SOS2: variants seen among roughly 807,000 people sequenced by gnomAD.
The protein encoded by SOS2 is SOS Ras/Rho guanine nucleotide exchange factor 2.
In SOS2, 65 loss-of-function variants were observed where a neutral mutation model predicts 148.2. The ratio of observed to expected loss-of-function variants is 0.44; its 90% CI spans 0.36 to 0.54. The LOEUF (loss-of-function observed/expected upper bound fraction) is 0.54. SOS2 is among the 20% of genes least tolerant of loss of function. The pLI, the probability that SOS2 is intolerant of heterozygous loss-of-function variation, is 0.00. For missense variants in SOS2, 1,341 were observed against 1,590.2 expected (o/e 0.84, Z 2.67); for synonymous variants, 539 against 537.1 (o/e 1.00, Z -0.05).
At chr14:50,137,041 T>A (rs992241430) in intron 18 of SOS2, among the ~76,000 whole-genome samples, 1 of 152,210 alleles carries the variant, frequency 6.6e-6, no homozygotes, top group Non-Finnish European at 1.5e-5. Context: ...CCAATTTGCA[T>A]GCAGATTATG....
chr14:50,222,290 G>T (rs1338298374), intron 1 of SOS2, among the ~76,000 whole-genome samples: 1 of 152,094 alleles, frequency 6.6e-6, no homozygotes, highest in Non-Finnish European at 1.5e-5. Context: ...AAATTCTTTT[G>T]GGGATACACA....
intron 1 of SOS2, among the ~76,000 whole-genome samples, chr14:50,213,405 T>C (rs1886946197): frequency 6.6e-6 from 1 of 152,132 alleles, no homozygotes; most frequent in African/African-American, 2.4e-5. Flanking sequence ...GCAGATTAAA[T>C]AGCATTTATA....
chr14:50,205,586 G>A lies in SOS2; in HGVS notation c.88-1177C>T, dbSNP rs1162691430. Among the ~76,000 whole-genome samples the A allele has an allele frequency of 2.6e-5, 4 of 152,156 alleles. No individual in the cohort carries two copies. The East Asian group carries it at 5.8e-4, about 22-fold the overall frequency. ...CATTGCCAAACAATGATTAGTCTAC[G>A]ATTTAGACTTTGCCATTTCCTAAGA... On this transcript the variant is annotated intron_variant, in intron 1 of 22. Coordinates refer to ENST00000216373, the MANE Select transcript of SOS2 (RefSeq NM_006939.4).
chr14:50,160,136 G>T, intron 9 of SOS2, 50 bp from the exon 10 acceptor site: 1 of 1,410,248 alleles, frequency 7.1e-7, no homozygotes, highest in Non-Finnish European at 9.7e-7. Context: ...AACCCAAATG[G>T]TTTCAAGCAT....
rs915023713 is a variant in SOS2, at chr14:50,183,328, T to A, written c.715-722A>T. Among the ~76,000 whole-genome samples the A allele has an allele frequency of 4.6e-5, 7 of 152,130 alleles. No individual in the cohort carries two copies. In the East Asian group the frequency reaches 1.3e-3, roughly 29 times the overall value. On this transcript the variant is annotated intron_variant, in intron 5 of 22. Transcript: ENST00000216373. ...TTAAAAGATGGAATCATACTGTGTATTCTTTTAACTTGGGTTGGAGAGGTC... is the reference window on the plus strand; with the variant it reads ...TTAAAAGATGGAATCATACTGTGTAATCTTTTAACTTGGGTTGGAGAGGTC...
chr14:50,167,867 CAA>C (rs994488707), intron 8 of SOS2, among the ~76,000 whole-genome samples: 2 of 116,054 alleles, frequency 1.7e-5, no homozygotes. Flanking sequence ...GACTCTGTCT[CAA>C]AAAAAAAAAA....
intron 1 of SOS2, among the ~76,000 whole-genome samples, chr14:50,222,325 A>T (rs1164263089): frequency 6.6e-6 from 1 of 152,216 alleles, no homozygotes; most frequent in Non-Finnish European, 1.5e-5. Flanking sequence ...AAAACTCCTA[A>T]TTTAGGAGAA....
chr14:50,192,182 G>A (rs765418763), intron 4 of SOS2, among the ~76,000 whole-genome samples: 7 of 142,992 alleles, frequency 4.9e-5, no homozygotes, highest in Non-Finnish European at 7.5e-5. Flanking sequence ...AAAAAGGAGC[G>A]AGCAAGCTAG....
chr14:50,130,118 C>T, intron 20 of SOS2, 116 bp from the exon 21 acceptor site: 2 of 650,004 alleles, frequency 3.1e-6, no homozygotes, highest in Admixed American at 3.3e-5. Flanking sequence ...TCATCTTTTG[C>T]CATGTTAGTT....
chr14:50,200,383 T>G (rs934343807), intron 3 of SOS2, among the ~76,000 whole-genome samples: 1 of 152,124 alleles, frequency 6.6e-6, no homozygotes, highest in Non-Finnish European at 1.5e-5. Flanking sequence ...CTAGTCCACT[T>G]TTCCAGTATA....
At position 50,130,508 on chromosome 14, in the gene SOS2, G is replaced by C. The variant is rs370277292; in HGVS notation, c.3330C>G (p.Ser1110Arg). Reference protein sequence around the residue: ...LSVFLDVDLNSSCGSNSIFAP... With the variant: ...LSVFLDVDLNRSCGSNSIFAP... ...TTTACATCAAATACTTACCACAGGA[G>C]CTGTTGAGATCCACATCTAAAAATA... The change falls in exon 20 of 23, where the codon AGC becomes AGG. Residue 1110 changes from serine to arginine, a missense_variant. By Grantham distance (110) the Ser-to-Arg change is moderately radical. Around this residue, in one of 4 missense-constraint regions of SOS2, gnomAD observed 354 missense variants for 347.7 expected, o/e 1.02. Coordinates refer to ENST00000216373, the MANE Select transcript of SOS2 (RefSeq NM_006939.4). The C allele has an allele frequency of 3.7e-6, 6 of 1,613,452 alleles. No homozygotes were observed. The highest frequency in any genetic ancestry group is 5.1e-6 in the Non-Finnish European group (6 of 1,179,552).
At chr14:50,181,673 G>C (rs1174651878) in intron 6 of SOS2, among the ~76,000 whole-genome samples, 1 of 152,032 alleles carries the variant, frequency 6.6e-6, no homozygotes, top group Non-Finnish European at 1.5e-5. Flanking sequence ...AGTAAAAACA[G>C]TAAGTTATAA....
rs139953230 is a variant in SOS2 at position 50,159,853 on chromosome 14, C to T, written c.1430G>A (p.Arg477Gln). ...ISCKPNHGQT[R>Q]LPGYSSAEYR... is the part of the protein sequence containing the mutation. ...TTCTGCACTACTGTAACCTGGAAGCCGAGTCTGGCCATGATTAGGTTTACA... is the reference window on the plus strand; with the variant it reads ...TTCTGCACTACTGTAACCTGGAAGCTGAGTCTGGCCATGATTAGGTTTACA... The change falls in exon 10 of 23, where the codon CGG (arginine) becomes CAG (glutamine). Residue 477 changes from arginine to glutamine, a missense_variant. Physicochemically the swap from Arg to Gln is conservative, Grantham distance 43. This residue lies in a region of SOS2 where 574 missense variants were observed against 711.1 expected (regional missense o/e 0.81). Coordinates refer to ENST00000216373, the MANE Select transcript of SOS2 (RefSeq NM_006939.4). 3.7e-6 allele frequency: 6 copies of T among 1,613,942 alleles called. No individual in the cohort carries two copies. Among genetic ancestry groups the T allele is most frequent in the Non-Finnish European group, 2.5e-6 (3 of 1,180,018 alleles).
intron 1 of SOS2, among the ~76,000 whole-genome samples, chr14:50,224,576 A>G (rs973079908): frequency 6.6e-6 from 1 of 152,246 alleles, no homozygotes; most frequent in South Asian, 2.1e-4. Flanking sequence ...AAGAACTATA[A>G]TATACTTTGT....
chr14:50,121,902 C>T (rs970950760), intron 21 of SOS2, among the ~76,000 whole-genome samples: 14 of 152,020 alleles, frequency 9.2e-5, no homozygotes, highest in African/African-American at 3.1e-4. Flanking sequence ...TAAATCTGTC[C>T]CATTTGGTTT....
intron 1 of SOS2, among the ~76,000 whole-genome samples, chr14:50,207,500 G>C (rs1886700892): frequency 6.6e-6 from 1 of 150,640 alleles, no homozygotes; most frequent in Non-Finnish European, 1.5e-5. Context: ...GAATGAGCAA[G>C]ACCTCATCTC....
At chr14:50,177,535 CA>C (rs1419071494) in intron 7 of SOS2, among the ~76,000 whole-genome samples, 1 of 151,860 alleles carries the variant, frequency 6.6e-6, no homozygotes, top group Non-Finnish European at 1.5e-5. Context: ...CTTTAACATT[CA>C]AATTCCACAG....
chr14:50,151,335 T>C (rs1474858434), intron 13 of SOS2, among the ~76,000 whole-genome samples: 1 of 152,236 alleles, frequency 6.6e-6, no homozygotes, highest in Non-Finnish European at 1.5e-5. Flanking sequence ...ATATTTTCTG[T>C]AAAGCAGAGA....
At chr14:50,130,267 A>G (rs1883823614) in intron 20 of SOS2, among the ~76,000 whole-genome samples, 1 of 152,158 alleles carries the variant, frequency 6.6e-6, no homozygotes, top group African/African-American at 2.4e-5. Context: ...TGGTAGTGGG[A>G]CCCAAAAGGT....
Sources: gnomAD v4.1 joint callset for allele counts (sites outside exome capture counted in the v4.1 genomes callset) on GRCh38, gnomAD v4.1.1 for gene constraint, gnomAD v4.1.1 regional missense constraint, MANE v1.5 for transcripts, NCBI Gene and HGNC (gene_info 2026-07-23, HGNC 2026-07-21) for gene names.